The following ANO5 variants were observed in gnomAD, a reference collection of about 807,000 sequenced individuals.
ANO5 encodes anoctamin 5.
Under a neutral mutation model 121.0 loss-of-function variants are expected in ANO5, and 109 were observed. That is an observed-to-expected ratio of 0.90 (90% CI 0.77 to 1.06). ANO5 has a LOEUF of 1.06. ANO5 is among the 50% of genes least tolerant of loss of function. The pLI, the probability that ANO5 is intolerant of heterozygous loss-of-function variation, is 0.00. For missense variants in ANO5, 1,064 were observed against 1,078.5 expected (o/e 0.99, Z 0.19); for synonymous variants, 406 against 359.9 (o/e 1.13, Z -1.45).
At chr11:22,274,503 A>G in intron 19 of ANO5, 66 bp from the exon 20 acceptor site, 1 of 1,410,160 alleles carries the variant, frequency 7.1e-7, no homozygotes, top group Non-Finnish European at 9.6e-7. Context: ...AGAGATGTAC[A>G]AATCAGACAT....
intron 9 of ANO5, among the ~76,000 whole-genome samples, chr11:22,245,562 C>T (rs1371858544): frequency 6.6e-6 from 1 of 152,040 alleles, no homozygotes; most frequent in Non-Finnish European, 1.5e-5. Context: ...GTTTTTATTA[C>T]AGTATTATTC....
chr11:22,216,869 T>A (rs1378711638), intron 3 of ANO5, among the ~76,000 whole-genome samples: 1 of 151,900 alleles, frequency 6.6e-6, no homozygotes, highest in African/African-American at 2.4e-5. Flanking sequence ...TGCATGGTCC[T>A]TTAGTGTGGG....
At chr11:22,235,568 G>C (rs139979184) in intron 7 of ANO5, among the ~76,000 whole-genome samples, 25 of 152,074 alleles carry the variant, frequency 1.6e-4, no homozygotes, top group Admixed American at 1.1e-3. Flanking sequence ...ATTTTGAAAA[G>C]TTGTTGGAAG....
At chr11:22,251,312 C>A (rs1354462118) in intron 12 of ANO5, among the ~76,000 whole-genome samples, 1 of 152,156 alleles carries the variant, frequency 6.6e-6, no homozygotes, top group Admixed American at 6.5e-5. Context: ...AAAAATACTT[C>A]ATTCAGGAGA....
chr11:22,266,571 G>C (rs56836241), intron 17 of ANO5, among the ~76,000 whole-genome samples: 20,330 of 151,854 alleles, frequency 0.13, 3,927 homozygotes, highest in African/African-American at 0.42. Flanking sequence ...TCAATTAAAT[G>C]CTTGTTCATG....
intron 18 of ANO5, among the ~76,000 whole-genome samples, chr11:22,270,697 G>A (rs963212934): frequency 2.1e-4 from 32 of 152,132 alleles, no homozygotes; most frequent in African/African-American, 6.8e-4. Context: ...TGTTAATATT[G>A]TTGAACCAAA....
At chr11:22,269,039 A>G (rs983409069) in intron 17 of ANO5, among the ~76,000 whole-genome samples, 8 of 151,504 alleles carry the variant, frequency 5.3e-5, no homozygotes, top group African/African-American at 1.7e-4. Context: ...GAAAGAAAAA[A>G]GGAGAGAGGG....
At chr11:22,202,462 T>A (rs371973299) in intron 1 of ANO5, among the ~76,000 whole-genome samples, 1,252 of 12,144 alleles carry the variant, frequency 0.1, 11 homozygotes, top group Middle Eastern at 0.4. Flanking sequence ...ATTTTTTAAA[T>A]TTTTTTTTGA....
Position 22,255,366 on chromosome 11 carries a change from T to C in ANO5, c.1181-5T>C, listed in dbSNP as rs1382946533. Reference sequence around the variant, plus strand: ...TCTTTTTTTTATATATTTATTTACCTATAGTCACCTTATTTTTGGAGTTTT... The same window carrying C: ...TCTTTTTTTTATATATTTATTTACCCATAGTCACCTTATTTTTGGAGTTTT... On this transcript the variant is annotated splice_region_variant and splice_polypyrimidine_tract_variant and intron_variant, in intron 12 of 21. Coordinates refer to ENST00000324559, the MANE Select transcript of ANO5 (RefSeq NM_213599.3). The C allele has an allele frequency of 3.8e-6, 6 of 1,599,984 alleles. No homozygotes were observed. Among genetic ancestry groups the C allele is most frequent in the Non-Finnish European group, 4.3e-6 (5 of 1,169,722 alleles).
intron 1 of ANO5, among the ~76,000 whole-genome samples, chr11:22,200,920 G>A (rs2133506108): frequency 6.6e-6 from 1 of 152,208 alleles, no homozygotes; most frequent in East Asian, 1.9e-4. Context: ...ATGTGTGTGA[G>A]TACTGTTGTC....
Position 22,250,341 on chromosome 11 carries a change from G to T in ANO5, c.983G>T (p.Gly328Val), listed in dbSNP as rs776022425. 6.2e-7 allele frequency: 1 copy of T among 1,613,468 alleles called. No homozygotes were observed. Among genetic ancestry groups the T allele is most frequent in the Non-Finnish European group, 8.5e-7 (1 of 1,179,684 alleles). Residue 328 changes from glycine to valine, a missense_variant, in exon 10 of 22, where the codon GGC (glycine) becomes GTC (valine). Gly to Val is a moderately radical substitution (Grantham distance 109). Coordinates refer to ENST00000324559, the MANE Select transcript of ANO5 (RefSeq NM_213599.3). ...AVVGLACFIY[G>V]LLSMEHNTSS... ...GTTGGCTTAGCTTGTTTTATTTATG[G>T]CTTATTATCAATGGAACATAACACA...
At position 22,270,338 on chromosome 11, in the gene ANO5, GA is replaced by G; in HGVS notation, c.1929del (p.Ala644LeufsTer31). Reference protein sequence around the residue: ...YPLALNWWRRRKARTNSEKLY... With the variant: ...YPLALNWWRRXKARTNSEKLY... ...TTGGCTTTGAATTGGTGGAGACGCC[GA>G]AAAGCTCGGACAAACTCTGAGAAGC... On this transcript the variant is annotated frameshift_variant, in exon 18 of 22. Coordinates refer to ENST00000324559, the MANE Select transcript of ANO5 (RefSeq NM_213599.3). LOFTEE classifies it high-confidence loss of function. The G allele has an allele frequency of 6.2e-7, 1 of 1,614,060 alleles. No homozygotes were observed. The highest frequency in any genetic ancestry group is 8.5e-7 in the Non-Finnish European group (1 of 1,180,002).
rs1234608199 is a variant in ANO5 at position 22,274,551 on chromosome 11, T to C, written c.2236-18T>C. ...ATTGGCAGCTGATGATCTTCCTCTT[T>C]TTTTTTTTATTCTTCAGGCCTTTAT... On this transcript the variant is annotated intron_variant, in intron 19 of 21. Transcript: ENST00000324559. The C allele has an allele frequency of 7.8e-7, 1 of 1,275,034 alleles. No homozygotes were observed. The highest frequency in any genetic ancestry group is 1.5e-5 in the South Asian group (1 of 66,990). 79.0% of individuals were successfully genotyped at this position (1,275,034 alleles called of 1,614,324 possible).
At chr11:22,204,702 G>A (rs1300396948) in intron 2 of ANO5, among the ~76,000 whole-genome samples, 1 of 152,086 alleles carries the variant, frequency 6.6e-6, no homozygotes, top group Non-Finnish European at 1.5e-5. Flanking sequence ...AATAACAGAT[G>A]CTGGTGAGGC....
chr11:22,279,744 G>T lies in ANO5; in HGVS notation c.2721G>T (p.Gln907His), dbSNP rs1855010042. 1 of 1,612,360 alleles carries T rather than the reference G, an allele frequency of 6.2e-7. No homozygotes were observed. The highest frequency in any genetic ancestry group is 8.5e-7 in the Non-Finnish European group (1 of 1,178,966). The change falls in exon 22 of 22, where the codon CAG becomes CAT. Residue 907 changes from glutamine (Q) to histidine (H), a missense_variant. By Grantham distance (24) the Gln-to-His change is conservative (BLOSUM62 0). Transcript: ENST00000324559. ...TCATGATTGAGGAAAACAAAGCACA[G>T]CTGGCTAAATCAACACTCTAATCAG... ...KHVMIEENKA[Q>H]LAKSTL
At chr11:22,255,761 G>A (rs933581235) in intron 13 of ANO5, among the ~76,000 whole-genome samples, 7 of 152,088 alleles carry the variant, frequency 4.6e-5, no homozygotes, top group African/African-American at 1.4e-4. Flanking sequence ...GAACTACATG[G>A]ATGAACCCAT....
chr11:22,255,768 C>T (rs765693071), intron 13 of ANO5, among the ~76,000 whole-genome samples: 57 of 151,850 alleles, frequency 3.8e-4, no homozygotes, highest in Admixed American at 2.0e-4. Flanking sequence ...ATGGATGAAC[C>T]CATCACTCAG....
Position 22,263,038 on chromosome 11 carries a change from T to A in ANO5, c.1893T>A (p.Ile631=). The A allele has an allele frequency of 6.2e-7, 1 of 1,606,198 alleles. No homozygotes were observed. Residue 631 remains isoleucine (I), a synonymous_variant, in exon 17 of 22, where the codon ATT becomes ATA. Transcript: ENST00000324559. Reference sequence around the variant, plus strand: ...TTTTTGGAAACATTAAAGAAGCCATTTATCCGTATGTATGACTTACAAGCT... The same window carrying A: ...TTTTTGGAAACATTAAAGAAGCCATATATCCGTATGTATGACTTACAAGCT... The part of the protein sequence containing the change: ...KQIFGNIKEA[I]YPLALNWWRR...
rs544796703 is a variant in ANO5 at position 22,233,730 on chromosome 11, G to A, written c.649-2433G>A. 2.6e-5 allele frequency among the ~76,000 whole-genome samples: 4 copies of A among 152,176 alleles called. No homozygotes were observed. The South Asian group carries it at 8.3e-4, about 32-fold the overall frequency. ...AGGAACATTGTACCTGTGAAGAAGG[G>A]CTCTCTGCTGAAGCATTCCAAGGAG... is the stretch of plus-strand genomic sequence containing the variant. On this transcript the variant is annotated intron_variant, in intron 7 of 21. Transcript: ENST00000324559.
Sources: gnomAD v4.1 joint callset for allele counts (sites outside exome capture counted in the v4.1 genomes callset) on GRCh38, gnomAD v4.1.1 for gene constraint, MANE v1.5 for transcripts, NCBI Gene and HGNC (gene_info 2026-07-23, HGNC 2026-07-21) for gene names.